The following CNBD1 variants were observed in gnomAD, a reference collection of about 807,000 sequenced individuals.
CNBD1 encodes the protein cyclic nucleotide binding domain containing 1, also known as cyclic nucleotide-binding domain-containing protein 1.
Under a neutral mutation model 54.4 loss-of-function variants are expected in CNBD1, and 71 were observed. The ratio of observed to expected loss-of-function variants is 1.30; its 90% CI spans 1.08 to 1.59. The LOEUF is 1.59. Ranked by LOEUF, CNBD1 falls within the 40% of genes most tolerant of loss-of-function variation. The pLI, the probability that CNBD1 is intolerant of heterozygous loss-of-function variation, is 0.00. For missense variants in CNBD1, 659 were observed against 518.0 expected, an observed-to-expected ratio of 1.27 and a Z score of -2.64; for synonymous variants, 182 against 170.7, an observed-to-expected ratio of 1.07 and a Z score of -0.51.
chr8:86,908,628 CT>C (rs199795980), intron 3 of CNBD1, among the ~76,000 whole-genome samples: 1 of 151,752 alleles, frequency 6.6e-6, no homozygotes, highest in East Asian at 1.9e-4. Flanking sequence ...AGAAATTGAC[CT>C]TTTTTCAAAC....
At position 87,163,408 on chromosome 8, in the gene CNBD1, AG is replaced by A. The variant is rs1214123966; in HGVS notation, c.432-42583del. On this transcript the variant is annotated intron_variant, in intron 4 of 10. Coordinates refer to ENST00000518476, the MANE Select transcript of CNBD1 (RefSeq NM_173538.3). This position sits in a 1 kb window ranked among gnomAD's most constrained non-coding sequence, Gnocchi z 4.5. ...TTGCATTGAATCTGCAGATCACTTC[AG>A]GTCATATGAATAATTTAATATTAAT... 6.6e-6 allele frequency among the ~76,000 whole-genome samples: 1 copy of A among 151,896 alleles called. No homozygotes were observed. The highest frequency in any genetic ancestry group is 1.5e-5 in the Non-Finnish European group (1 of 67,940).
chr8:87,075,002 C>T (rs999776244), intron 4 of CNBD1, among the ~76,000 whole-genome samples: 1 of 152,182 alleles, frequency 6.6e-6, no homozygotes, highest in African/African-American at 2.4e-5. Context: ...AAGTACATAG[C>T]TTCTGTCTGT....
At chr8:87,085,400 GT>G (rs1321584433) in intron 4 of CNBD1, among the ~76,000 whole-genome samples, 2 of 151,978 alleles carry the variant, frequency 1.3e-5, no homozygotes, top group African/African-American at 2.4e-5. Flanking sequence ...ATATGTATAT[GT>G]ATACATATAA....
intron 6 of CNBD1, among the ~76,000 whole-genome samples, chr8:87,256,000 TATATATATATATA>T (rs1808006092): frequency 6.0e-4 from 10 of 16,700 alleles, no homozygotes; most frequent in African/African-American, 2.0e-3. Context: ...TATATATATA[TATATATATATATA>T]TATTTTTTTT....
intron 4 of CNBD1, among the ~76,000 whole-genome samples, chr8:87,053,621 T>A (rs1396254388): frequency 1.3e-5 from 2 of 152,192 alleles, no homozygotes; most frequent in Non-Finnish European, 2.9e-5. Flanking sequence ...GTGACCTTTT[T>A]TTCATGGATC....
At chr8:87,343,500 G>C (rs182162563) in intron 8 of CNBD1, among the ~76,000 whole-genome samples, 3 of 152,130 alleles carry the variant, frequency 2.0e-5, no homozygotes, top group African/African-American at 7.2e-5. Context: ...CCCTCCATTC[G>C]GGGTCCCTGA....
At chr8:87,246,239 C>T (rs139263649) in intron 6 of CNBD1, among the ~76,000 whole-genome samples, 2 of 152,100 alleles carry the variant, frequency 1.3e-5, no homozygotes, top group Non-Finnish European at 2.9e-5. Context: ...CTGGAAAAAG[C>T]TTATTTATAT....
Position 87,382,696 on chromosome 8 carries a change from G to C in CNBD1, c.*69G>C. On this transcript the variant is annotated 3_prime_UTR_variant, in exon 11 of 11. Transcript: ENST00000518476. ...CTAAATAATGGAATAATTGCATTCT[G>C]GAATACTATCAAACTACCAGCAATG... 8.6e-7 allele frequency: 1 copy of C among 1,166,684 alleles called. No individual in the cohort carries two copies. The highest frequency in any genetic ancestry group is 1.2e-6 in the Non-Finnish European group (1 of 812,742). 72.3% of individuals were successfully genotyped at this position (1,166,684 alleles called of 1,614,324 possible).
chr8:86,957,142 G>A (rs1461508658), intron 4 of CNBD1, among the ~76,000 whole-genome samples: 1 of 152,158 alleles, frequency 6.6e-6, no homozygotes, highest in African/African-American at 2.4e-5. Flanking sequence ...ATTGATTGCT[G>A]TATGTTGAAC....
intron 4 of CNBD1, among the ~76,000 whole-genome samples, chr8:86,999,484 A>G (rs1036515063): frequency 6.6e-6 from 1 of 151,752 alleles, no homozygotes; most frequent in African/African-American, 2.4e-5. Context: ...CATTCCAGAT[A>G]GTTCTCTTGG....
intron 8 of CNBD1, among the ~76,000 whole-genome samples, chr8:87,299,180 A>G (rs533607003): frequency 6.6e-6 from 1 of 152,240 alleles, no homozygotes; most frequent in East Asian, 1.9e-4. Flanking sequence ...TTATTTATTC[A>G]TTTGTAAACT....
At chr8:87,302,539 G>C (rs1227368358) in intron 8 of CNBD1, among the ~76,000 whole-genome samples, 1 of 151,812 alleles carries the variant, frequency 6.6e-6, no homozygotes, top group Non-Finnish European at 1.5e-5. Context: ...ATCCTGAATG[G>C]GCAAAAACTG....
intron 2 of CNBD1, among the ~76,000 whole-genome samples, chr8:87,389,199 G>A (rs917417538): frequency 1.2e-4 from 19 of 152,172 alleles, no homozygotes; most frequent in Non-Finnish European, 2.6e-4. Context: ...ACAAGACAGG[G>A]ATGCCCTCTC....
At chr8:87,389,741 GA>G (rs907707937) in intron 2 of CNBD1, among the ~76,000 whole-genome samples, 4 of 151,690 alleles carry the variant, frequency 2.6e-5, no homozygotes, top group East Asian at 1.9e-4. Context: ...CACAGAAATG[GA>G]AAAAAACTAA....
At chr8:87,354,635 C>T (rs1163445487) in intron 10 of CNBD1, among the ~76,000 whole-genome samples, 1 of 151,844 alleles carries the variant, frequency 6.6e-6, no homozygotes, top group Non-Finnish European at 1.5e-5. Context: ...CAATTCCCAC[C>T]TATGAGTGAG....
intron 4 of CNBD1, among the ~76,000 whole-genome samples, chr8:87,191,849 A>G (rs1226138785): frequency 6.6e-6 from 1 of 152,140 alleles, no homozygotes; most frequent in Non-Finnish European, 1.5e-5. Context: ...AGTGGCATAT[A>G]CTTTTAAAAG....
At chr8:87,417,909 A>C (rs908681135) in intron 2 of CNBD1, among the ~76,000 whole-genome samples, 2 of 151,952 alleles carry the variant, frequency 1.3e-5, no homozygotes, top group Non-Finnish European at 2.9e-5. Flanking sequence ...AATTAGAGAA[A>C]ACATAAATAG....
intron 8 of CNBD1, among the ~76,000 whole-genome samples, chr8:87,346,460 G>T (rs1480567423): frequency 6.6e-6 from 1 of 151,408 alleles, no homozygotes; most frequent in Admixed American, 6.6e-5. Flanking sequence ...GTTATTTTTT[G>T]TAATCCAATT....
chr8:87,205,673 T>A (rs1813956697), intron 4 of CNBD1, among the ~76,000 whole-genome samples: 1 of 152,126 alleles, frequency 6.6e-6, no homozygotes, highest in Non-Finnish European at 1.5e-5. Flanking sequence ...TAACTACTGA[T>A]AAGAGATGCA....
Sources: allele counts gnomAD v4.1 joint callset (sites outside exome capture counted in the v4.1 genomes callset), GRCh38; gene constraint gnomAD v4.1.1; non-coding constraint Gnocchi (gnomAD v3.1); transcripts MANE v1.5; gene names NCBI Gene and HGNC (gene_info 2026-07-23, HGNC 2026-07-21).